Variants in ADGRG4 observed in about 807,000 individuals in gnomAD.
ADGRG4 encodes the protein adhesion G protein-coupled receptor G4.
ADGRG4 carries 122 observed loss-of-function variants against 126.2 expected under a neutral mutation model. The ratio of observed to expected loss-of-function variants is 0.97; its 90% CI spans 0.83 to 1.12. The LOEUF (loss-of-function observed/expected upper bound fraction) is 1.12, where lower values mean the gene tolerates loss of function less well. Among genes scored for constraint, ADGRG4 ranks in the 50% most tolerant of loss-of-function variants. ADGRG4 has a pLI of 0.00. For missense variants in ADGRG4, 2,481 were observed against 2,251.8 expected, an observed-to-expected ratio of 1.10 and a Z score of -2.06; for synonymous variants, 943 against 838.7, an observed-to-expected ratio of 1.12 and a Z score of -2.15.
chrX:136,347,166 C>T lies in ADGRG4; in HGVS notation c.3460C>T (p.Pro1154Ser). ...CTCAAAACCTCCCCCTGACAACATT[C>T]CTCCTGCGTCCTCCACTCATGTGAT... ...VCSKPPPDNI[P>S]PASSTHVIST... The change falls in exon 6 of 26, where the codon CCT (proline) becomes TCT (serine). Residue 1154 changes from proline to serine, a missense_variant. By Grantham distance (74) the Pro-to-Ser change is moderately conservative. Transcript: ENST00000394143. 2 of 1,210,957 alleles carry T rather than the reference C, an allele frequency of 1.7e-6. No homozygotes were observed. The highest frequency in any genetic ancestry group is 3.5e-5 in the South Asian group (2 of 56,911).
intron 1 of ADGRG4, among the ~76,000 whole-genome samples, chrX:136,303,485 A>C (rs760102825): frequency 8.1e-5 from 9 of 111,541 alleles, no homozygotes; most frequent in Admixed American, 5.7e-4. Context: ...GACAGACAGA[A>C]AGAAAGAAAG....
At chrX:136,333,844 C>T (rs1329607781) in intron 5 of ADGRG4, among the ~76,000 whole-genome samples, 2 of 112,111 alleles carry the variant, frequency 1.8e-5, no homozygotes, top group African/African-American at 6.5e-5. Context: ...TGGGCTTTCA[C>T]AGAACAAAAG....
chrX:136,315,281 TCAGA>T (rs1377843821), intron 4 of ADGRG4, among the ~76,000 whole-genome samples: 5 of 110,237 alleles, frequency 4.5e-5, no homozygotes, highest in African/African-American at 1.7e-4. Context: ...TTATATCTAC[TCAGA>T]CAGTCATGGG....
chrX:136,322,607 A>T (rs1358696841), intron 4 of ADGRG4, among the ~76,000 whole-genome samples, 171 bp from the exon 5 acceptor site: 1 of 111,988 alleles, frequency 8.9e-6, no homozygotes, highest in Non-Finnish European at 1.9e-5. Flanking sequence ...ATCACATGCT[A>T]ATGTCAAATA....
At chrX:136,331,677 T>C (rs2074910828) in intron 5 of ADGRG4, among the ~76,000 whole-genome samples, 1 of 111,988 alleles carries the variant, frequency 8.9e-6, no homozygotes, top group African/African-American at 3.2e-5. Context: ...CTTCATGATG[T>C]TGAACATCTT....
intron 15 of ADGRG4, among the ~76,000 whole-genome samples, chrX:136,382,722 G>T (rs905846996): frequency 3.6e-5 from 4 of 111,690 alleles, no homozygotes; most frequent in Non-Finnish European, 7.5e-5. Flanking sequence ...GTAGTAGACT[G>T]ATTTCATCTT....
At chrX:136,395,532 C>T (rs1375941455) in intron 19 of ADGRG4, 39 bp downstream of exon 19, 1 of 800,577 alleles carries the variant, frequency 1.2e-6, no homozygotes, top group Non-Finnish European at 1.9e-6. Flanking sequence ...GGAAGTTTGA[C>T]AATTTTTATT....
intron 5 of ADGRG4, among the ~76,000 whole-genome samples, chrX:136,333,759 C>T (rs1270643982): frequency 8.9e-6 from 1 of 111,774 alleles, no homozygotes; most frequent in Non-Finnish European, 1.9e-5. Context: ...CTCAAATTCT[C>T]CACCTGCCTT....
In ADGRG4 at chrX:136,405,732, G is replaced by T; in HGVS notation, c.8695G>T (p.Val2899Leu). The change falls in exon 23 of 26, where the codon GTG becomes TTG. Residue 2899 changes from valine (V) to leucine (L), a missense_variant. Physicochemically the swap from Val to Leu is conservative, Grantham distance 32. Transcript: ENST00000394143. ...TGATTCTATCTTTTACATCTCAGTG[G>T]TGGCTTATTTTTGCCTCATATTTCT... ...KDDSIFYISV[V>L]AYFCLIFLMN... The T allele has an allele frequency of 8.4e-7, 1 of 1,189,948 alleles. No individual in the cohort carries two copies.
In ADGRG4 at chrX:136,349,431, A is replaced by G; in HGVS notation, c.5725A>G (p.Thr1909Ala). Residue 1909 changes from threonine (T) to alanine (A), a missense_variant, in exon 6 of 26, where the codon ACA becomes GCA. Transcript: ENST00000394143. ...INVPTSNEME[T>A]ETLHLVPGPL... ...TGTACCTACATCCAATGAGATGGAA[A>G]CAGAGACTCTACACCTTGTTCCTGG... 8.3e-7 allele frequency: 1 copy of G among 1,207,012 alleles called. No individual in the cohort carries two copies. The highest frequency in any genetic ancestry group is 1.1e-6 in the Non-Finnish European group (1 of 891,555).
In ADGRG4 at chrX:136,372,922, G is replaced by T. The variant is rs752548011; in HGVS notation, c.7634G>T (p.Arg2545Leu). The T allele has an allele frequency of 2.5e-6, 3 of 1,211,287 alleles. No homozygotes were observed. In the Admixed American group the frequency reaches 6.5e-5, roughly 26 times the overall value. Residue 2545 changes from arginine (R) to leucine (L), a missense_variant, in exon 15 of 26, where the codon CGT becomes CTT. Transcript: ENST00000394143. ...ISNEILRIIE[R>L]TGHKMEFSGQ... ...TGCAGAATTCTGAGGATAATTGAGC[G>T]TACTGGTCACAAGATGGAGTTTTCT...
chrX:136,350,040 ACAATAACTGC>A lies in ADGRG4; in HGVS notation c.6338_6347del (p.Ile2113ThrfsTer37). The A allele has an allele frequency of 8.3e-7, 1 of 1,209,120 alleles. No individual in the cohort carries two copies. Among genetic ancestry groups the A allele is most frequent in the Non-Finnish European group, 1.1e-6 (1 of 894,738 alleles). On this transcript the variant is annotated frameshift_variant, in exon 6 of 26. Coordinates refer to ENST00000394143, the MANE Select transcript of ADGRG4 (RefSeq NM_153834.4). LOFTEE classifies it high-confidence loss of function. ...ACACCCTGAGGCATCCTCCAGAACC[ACAATAACTGC>A]CAACCCCAGGACTGTGTCTCATCCT...
In ADGRG4 at chrX:136,416,564, A is replaced by G; in HGVS notation, c.*73A>G. On this transcript the variant is annotated 3_prime_UTR_variant, in exon 26 of 26. Coordinates refer to ENST00000394143, the MANE Select transcript of ADGRG4 (RefSeq NM_153834.4). ...AAATAAAAATGAATTCCAAGTGTAT[A>G]CTTGCTCGGGTGATGGGTGCACCAA... The G allele has an allele frequency of 1.1e-6, 1 of 871,305 alleles. No homozygotes were observed. The highest frequency in any genetic ancestry group is 1.7e-6 in the Non-Finnish European group (1 of 602,438). The allele number at this position is 871,305 out of a possible 1,213,427, so 71.8% of individuals were successfully genotyped here.
chrX:136,382,054 A>C (rs890914887), intron 15 of ADGRG4, among the ~76,000 whole-genome samples: 3 of 111,519 alleles, frequency 2.7e-5, no homozygotes, highest in African/African-American at 9.8e-5. Flanking sequence ...ACCCAGGATC[A>C]ATACTCTGTA....
chrX:136,322,173 G>A (rs1487976197), intron 4 of ADGRG4, among the ~76,000 whole-genome samples: 2 of 111,505 alleles, frequency 1.8e-5, no homozygotes, highest in East Asian at 5.6e-4. Flanking sequence ...CCAGGGCAGT[G>A]CCATGTCTTC....
chrX:136,388,656 A>G (rs1273873199), intron 16 of ADGRG4, among the ~76,000 whole-genome samples: 1 of 112,150 alleles, frequency 8.9e-6, no homozygotes, highest in Non-Finnish European at 1.9e-5. Flanking sequence ...GTCTCTGCCT[A>G]ACAAAAGCCT....
At chrX:136,379,703 A>T (rs1287671980) in intron 15 of ADGRG4, among the ~76,000 whole-genome samples, 1 of 110,507 alleles carries the variant, frequency 9.0e-6, no homozygotes, top group African/African-American at 3.3e-5. Context: ...ATGTCTGCAG[A>T]ACGTTGTTCA....
chrX:136,386,947 TG>T (rs2075295142), intron 15 of ADGRG4, among the ~76,000 whole-genome samples: 2 of 112,330 alleles, frequency 1.8e-5, no homozygotes, highest in Non-Finnish European at 3.8e-5. Context: ...TTCACAGTTC[TG>T]GTGGCTGGGA....
chrX:136,361,937 A>C, intron 12 of ADGRG4, among the ~76,000 whole-genome samples: 1 of 112,011 alleles, frequency 8.9e-6, no homozygotes, highest in Middle Eastern at 4.6e-3. Flanking sequence ...TGTAGCAGTA[A>C]TCACTATTCT....
Sources: allele counts gnomAD v4.1 joint callset (sites outside exome capture counted in the v4.1 genomes callset), GRCh38; gene constraint gnomAD v4.1.1; transcripts MANE v1.5; gene names NCBI Gene and HGNC (gene_info 2026-07-23, HGNC 2026-07-21).